VSIG1: variants seen among roughly 807,000 people sequenced by gnomAD.
The protein encoded by VSIG1 is V-set and immunoglobulin domain-containing protein 1.
In VSIG1, 11 loss-of-function variants were observed where a neutral mutation model predicts 20.1. The observed-to-expected ratio is 0.55, with a 90% CI of 0.34 to 0.91. The LOEUF (loss-of-function observed/expected upper bound fraction) is 0.91. Among genes scored for constraint, VSIG1 ranks in the 40% least tolerant of loss-of-function variants. The probability of loss-of-function intolerance (pLI) is 0.02; values close to 1 mark genes in which losing one functional copy is unlikely to be tolerated. For missense variants in VSIG1, 283 were observed against 298.8 expected, an observed-to-expected ratio of 0.95 and a Z score of 0.39; for synonymous variants, 126 against 116.7, an observed-to-expected ratio of 1.08 and a Z score of -0.52.
At chrX:108,075,469 A>G (rs1287858115) in intron 5 of VSIG1, among the ~76,000 whole-genome samples, 1 of 111,538 alleles carries the variant, frequency 9.0e-6, no homozygotes, top group African/African-American at 3.3e-5. Context: ...TAAGGTGTCC[A>G]TCCTTGTGTG....
chrX:108,046,351 T>C (rs2030577048), intron 1 of VSIG1, among the ~76,000 whole-genome samples: 1 of 111,734 alleles, frequency 8.9e-6, no homozygotes, highest in Non-Finnish European at 1.9e-5. Flanking sequence ...TGTTCCTATT[T>C]TCCCTTCTCC....
chrX:108,069,597 C>T (rs1465675263), intron 3 of VSIG1, among the ~76,000 whole-genome samples: 1 of 111,366 alleles, frequency 9.0e-6, no homozygotes, highest in Non-Finnish European at 1.9e-5. Flanking sequence ...TTAAAGATGA[C>T]TCTCATAGCA....
At chrX:108,029,541 C>T in the VSIG1 span, among the ~76,000 whole-genome samples, 1 of 112,033 alleles carries the variant, frequency 8.9e-6, no homozygotes, top group African/African-American at 3.2e-5. Context: ...GGGTTAAGGC[C>T]ATTAGTAAAG....
chrX:108,047,811 T>TATATATACACATATATATATAC (rs1569287029), intron 1 of VSIG1, among the ~76,000 whole-genome samples: 17 of 64,082 alleles, frequency 2.7e-4, no homozygotes, highest in African/African-American at 1.1e-3. Flanking sequence ...TATATATACA[T>TATATATACACATATATATATAC]ATATATATAC....
intron 1 of VSIG1, among the ~76,000 whole-genome samples, chrX:108,056,042 CCCTTTGTGAGTCTCTGTGTTAAG>C (rs774797652): frequency 9.0e-6 from 1 of 111,431 alleles, no homozygotes; most frequent in East Asian, 2.8e-4. Context: ...CAGAGCCTTT[CCCTTTGTGAGTCTCTGTGTTAAG>C]CCTCCCTCTC....
At position 108,076,099 on chromosome X, in the gene VSIG1, T is replaced by C; in HGVS notation, c.711T>C (p.Val237=). ...CAGATCCAGAAGTTGGAATCATTGT[T>C]GGGGCCTTGATTGGTAGCCTGGTAG... ...TSSHPEVGII[V]GALIGSLVGA... is the part of the protein sequence containing the mutation. The change falls in exon 6 of 7, where the codon GTT becomes GTC. Residue 237 remains valine, a synonymous_variant. Transcript: ENST00000217957. 1 of 1,211,657 alleles carries C rather than the reference T, an allele frequency of 8.3e-7. No individual in the cohort carries two copies. The highest frequency in any genetic ancestry group is 1.1e-6 in the Non-Finnish European group (1 of 895,306).
At chrX:108,034,370 A>G in the VSIG1 span, among the ~76,000 whole-genome samples, 1 of 112,000 alleles carries the variant, frequency 8.9e-6, no homozygotes, top group Admixed American at 9.5e-5. Context: ...CTTTCACTTT[A>G]AACTAGGAGT....
chrX:108,048,193 G>A (rs1188893251), intron 1 of VSIG1, among the ~76,000 whole-genome samples: 1 of 106,200 alleles, frequency 9.4e-6, no homozygotes, highest in Admixed American at 1.0e-4. Context: ...GGTAGAGACA[G>A]GGTTTCTCCA....
chrX:108,044,980 C>T (rs2030539085), upstream of VSIG1: 12 of 350,135 alleles, frequency 3.4e-5, no homozygotes, highest in East Asian at 4.4e-5. Context: ...AAAGTCTATA[C>T]GCAATAAGTA....
At chrX:108,031,328 T>C in the VSIG1 span, among the ~76,000 whole-genome samples, 1 of 112,340 alleles carries the variant, frequency 8.9e-6, no homozygotes, top group Non-Finnish European at 1.9e-5. Context: ...TACAGTATTA[T>C]GGAGTGTCTT....
At chrX:108,063,385 T>TA (rs1401009585) in intron 2 of VSIG1, among the ~76,000 whole-genome samples, 2 of 111,608 alleles carry the variant, frequency 1.8e-5, no homozygotes, top group African/African-American at 6.5e-5. Flanking sequence ...TGGCTCCCTC[T>TA]ATTGAGGCCT....
chrX:108,035,495 C>CTTTCTTT, the VSIG1 span, among the ~76,000 whole-genome samples: 1 of 110,686 alleles, frequency 9.0e-6, no homozygotes, highest in Admixed American at 9.6e-5. Flanking sequence ...CTACTTGTCT[C>CTTTCTTT]TTTCTTTTTC....
At chrX:108,052,862 T>C (rs1056432553) in intron 1 of VSIG1, among the ~76,000 whole-genome samples, 9 of 111,753 alleles carry the variant, frequency 8.1e-5, no homozygotes, top group African/African-American at 2.9e-4. Context: ...TTACAATCTA[T>C]AGGCTCTTTC....
At position 108,077,650 on chromosome X, in the gene VSIG1, G is replaced by T; in HGVS notation, c.*269G>T. ...GGCAAGTGATTTCTAACTTAGTTGA[G>T]TTTTGCAACAGTACCTGTGTTGTTA... On this transcript the variant is annotated 3_prime_UTR_variant, in exon 7 of 7. Transcript: ENST00000217957. The T allele has an allele frequency of 3.0e-6, 1 of 337,836 alleles. No individual in the cohort carries two copies. Among genetic ancestry groups the T allele is most frequent in the Non-Finnish European group, 5.1e-6 (1 of 196,015 alleles). 27.8% of individuals were successfully genotyped at this position (337,836 alleles called of 1,213,427 possible).
rs753516008 is a variant in VSIG1, at chrX:108,077,033, C to G, written c.831-15C>G. 7 of 1,190,801 alleles carry G rather than the reference C, an allele frequency of 5.9e-6. No individual in the cohort carries two copies. The highest frequency in any genetic ancestry group is 7.9e-6 in the Non-Finnish European group (7 of 885,132). On this transcript the variant is annotated splice_polypyrimidine_tract_variant and intron_variant, in intron 6 of 6. Transcript: ENST00000217957. ...TCTCCCTAACTTGTTCTTTTCTGGG[C>G]CTTCTTTCTTGCAGGCCAATGACAA...
intron 2 of VSIG1, among the ~76,000 whole-genome samples, chrX:108,066,705 C>G (rs925289626): frequency 9.0e-6 from 1 of 111,709 alleles, no homozygotes; most frequent in African/African-American, 3.3e-5. Context: ...GATAGGCATA[C>G]TAATCCCTGC....
intron 1 of VSIG1, among the ~76,000 whole-genome samples, chrX:108,047,933 TAC>T (rs1317396087): frequency 5.1e-5 from 3 of 58,986 alleles, no homozygotes; most frequent in Admixed American, 2.3e-4. Flanking sequence ...TATATATATA[TAC>T]ACATATATAT....
the VSIG1 span, among the ~76,000 whole-genome samples, chrX:108,033,367 A>T: frequency 8.9e-6 from 1 of 111,875 alleles, no homozygotes; most frequent in African/African-American, 3.3e-5. Flanking sequence ...CTGTGTCTTA[A>T]CGCTTTCTGC....
upstream of VSIG1, among the ~76,000 whole-genome samples, chrX:108,042,577 C>T (rs1416766292): frequency 8.9e-6 from 1 of 111,853 alleles, no homozygotes; most frequent in Non-Finnish European, 1.9e-5. Context: ...AAGCTTCTGG[C>T]TTACAAATGC....
Sources: gnomAD v4.1 joint callset for allele counts (sites outside exome capture counted in the v4.1 genomes callset) on GRCh38, gnomAD v4.1.1 for gene constraint, MANE v1.5 for transcripts, NCBI Gene and HGNC (gene_info 2026-07-23, HGNC 2026-07-21) for gene names.